FRMD3: variants seen among roughly 807,000 people sequenced by gnomAD.
The protein encoded by FRMD3 is FERM domain containing 3, also known as FERM domain-containing protein 3.
FRMD3 carries 33 observed loss-of-function variants against 70.2 expected under a neutral mutation model. That is an observed-to-expected ratio of 0.47 (90% CI 0.36 to 0.63). The LOEUF is 0.63. Among genes scored for constraint, FRMD3 ranks in the 20% least tolerant of loss-of-function variants. FRMD3 has a pLI of 0.00. For missense variants in FRMD3, 632 were observed against 711.4 expected, an observed-to-expected ratio of 0.89 and a Z score of 1.27; for synonymous variants, 279 against 255.9, an observed-to-expected ratio of 1.09 and a Z score of -0.86.
chr9:83,320,937 T>G (rs1406465491), intron 6 of FRMD3, among the ~76,000 whole-genome samples: 1 of 152,168 alleles, frequency 6.6e-6, no homozygotes, highest in Non-Finnish European at 1.5e-5. Flanking sequence ...AGGCTGGAAT[T>G]TATACATTTC....
intron 1 of FRMD3, among the ~76,000 whole-genome samples, chr9:83,460,891 T>C (rs1238078807): frequency 6.6e-6 from 1 of 152,054 alleles, no homozygotes; most frequent in Non-Finnish European, 1.5e-5. Flanking sequence ...ACCATCATCT[T>C]AGAGCTTCTA....
At chr9:83,556,202 A>G in the FRMD3 span, among the ~76,000 whole-genome samples, 13 of 145,556 alleles carry the variant, frequency 8.9e-5, no homozygotes, top group Non-Finnish European at 1.5e-5. Flanking sequence ...TAGCCTTTTG[A>G]AAAAAAAAAC....
upstream of FRMD3, among the ~76,000 whole-genome samples, chr9:83,538,729 C>A (rs1299697655): frequency 3.3e-5 from 5 of 152,208 alleles, no homozygotes; most frequent in Admixed American, 1.3e-4. This position sits in a 1 kb window ranked among gnomAD's most constrained non-coding sequence, Gnocchi z 4.7. Flanking sequence ...CGCTCGGGCT[C>A]CCGGTTGTGC....
chr9:83,550,480 A>C, the FRMD3 span, among the ~76,000 whole-genome samples: 11 of 152,236 alleles, frequency 7.2e-5, no homozygotes, highest in Middle Eastern at 3.4e-3. Flanking sequence ...AGTTCTGTGA[A>C]GAATGTCATT....
the FRMD3 span, among the ~76,000 whole-genome samples, chr9:83,575,593 A>G: frequency 6.6e-6 from 1 of 152,168 alleles, no homozygotes; most frequent in Non-Finnish European, 1.5e-5. Flanking sequence ...TCTCATATTA[A>G]GAGGGGATAT....
At chr9:83,560,236 G>A in the FRMD3 span, among the ~76,000 whole-genome samples, 3 of 152,216 alleles carry the variant, frequency 2.0e-5, no homozygotes, top group Non-Finnish European at 4.4e-5. Flanking sequence ...CCCTGTTGAT[G>A]TTGGACTTGG....
intron 1 of FRMD3, chr9:83,467,814 A>G (rs1026691560): frequency 3.6e-6 from 5 of 1,383,424 alleles, no homozygotes; most frequent in Non-Finnish European, 4.7e-6. Flanking sequence ...CCAAGATCCT[A>G]TTTCCTAATT....
intron 1 of FRMD3, among the ~76,000 whole-genome samples, chr9:83,515,327 C>A (rs146582418): frequency 6.6e-6 from 1 of 151,846 alleles, no homozygotes; most frequent in African/African-American, 2.4e-5. Context: ...GAAGCATACA[C>A]GAGAATCAAT....
At chr9:83,337,661 A>G (rs1823624478) in intron 5 of FRMD3, among the ~76,000 whole-genome samples, 1 of 152,216 alleles carries the variant, frequency 6.6e-6, no homozygotes, top group African/African-American at 2.4e-5. Flanking sequence ...GAAAAAAATT[A>G]GTATGCCTTG....
chr9:83,504,806 T>A (rs1476185532), intron 1 of FRMD3, among the ~76,000 whole-genome samples: 1 of 152,194 alleles, frequency 6.6e-6, no homozygotes, highest in Non-Finnish European at 1.5e-5. Context: ...AGCCTCTCCC[T>A]ACTAGAATAT....
chr9:83,398,552 T>C (rs1825867051), intron 1 of FRMD3, among the ~76,000 whole-genome samples: 1 of 152,216 alleles, frequency 6.6e-6, no homozygotes, highest in Admixed American at 6.5e-5. Flanking sequence ...ATATGCCTAA[T>C]GCTAAATGAC....
At chr9:83,248,548 A>G in intron 13 of FRMD3, 32 bp from the exon 14 acceptor site, 1 of 1,529,940 alleles carries the variant, frequency 6.5e-7, no homozygotes, top group Non-Finnish European at 8.7e-7. Context: ...TCTAAATTTA[A>G]AATTTCAGAT....
At chr9:83,432,054 T>C (rs1826996973) in intron 1 of FRMD3, among the ~76,000 whole-genome samples, 1 of 152,118 alleles carries the variant, frequency 6.6e-6, no homozygotes, top group African/African-American at 2.4e-5. Flanking sequence ...AACTAAACTC[T>C]TCACCCAACT....
chr9:83,451,713 A>G (rs1360599297), intron 1 of FRMD3, among the ~76,000 whole-genome samples: 1 of 152,136 alleles, frequency 6.6e-6, no homozygotes, highest in Non-Finnish European at 1.5e-5. Flanking sequence ...CTCACCCAAA[A>G]TGAGCTGGCC....
At chr9:83,477,976 T>C (rs1828439206) in intron 1 of FRMD3, among the ~76,000 whole-genome samples, 1 of 152,180 alleles carries the variant, frequency 6.6e-6, no homozygotes, top group African/African-American at 2.4e-5. Flanking sequence ...CATCCTAAAA[T>C]ACAAAACATT....
In FRMD3 at chr9:83,537,586, C is replaced by G. The variant is rs1278252375; in HGVS notation, c.147+499G>C. On this transcript the variant is annotated intron_variant, in intron 1 of 13. Coordinates refer to ENST00000304195, the MANE Select transcript of FRMD3 (RefSeq NM_174938.6). The surrounding 1 kb of genome is among the most constrained non-coding windows in gnomAD (Gnocchi z 4.1). ...CGGCGGAGGGTGAGGGGGACCGACA[C>G]GGAGCGGAAAGCAGGTTCCGGGACT... is the stretch of plus-strand genomic sequence containing the variant. 6.6e-6 allele frequency among the ~76,000 whole-genome samples: 1 copy of G among 152,192 alleles called. No homozygotes were observed. Among genetic ancestry groups the G allele is most frequent in the East Asian group, 1.9e-4 (1 of 5,188 alleles).
At chr9:83,405,869 T>A (rs141719982) in intron 1 of FRMD3, among the ~76,000 whole-genome samples, 117 of 152,076 alleles carry the variant, frequency 7.7e-4, no homozygotes, top group African/African-American at 2.4e-3. Flanking sequence ...TTTGTTGGAG[T>A]AGGGCTGAGC....
At chr9:83,490,673 C>T (rs1318852731) in intron 1 of FRMD3, among the ~76,000 whole-genome samples, 1 of 151,944 alleles carries the variant, frequency 6.6e-6, no homozygotes, top group Non-Finnish European at 1.5e-5. Flanking sequence ...AAACAGAATA[C>T]TTTAGGGGGA....
intron 4 of FRMD3, among the ~76,000 whole-genome samples, chr9:83,347,250 A>G (rs1034176359): frequency 1.3e-5 from 2 of 152,224 alleles, no homozygotes; most frequent in African/African-American, 4.8e-5. Context: ...TGTGGATTCA[A>G]CATAATCCAC....
Sources: allele counts gnomAD v4.1 joint callset (sites outside exome capture counted in the v4.1 genomes callset), GRCh38; gene constraint gnomAD v4.1.1; non-coding constraint Gnocchi (gnomAD v3.1); transcripts MANE v1.5; gene names NCBI Gene and HGNC (gene_info 2026-07-23, HGNC 2026-07-21).